SYT12: variants seen among roughly 807,000 people sequenced by gnomAD.
The protein encoded by SYT12 is synaptotagmin 12.
SYT12 carries 27 observed loss-of-function variants against 39.5 expected under a neutral mutation model. The ratio of observed to expected loss-of-function variants is 0.68; its 90% CI spans 0.50 to 0.94. The LOEUF is 0.94. Ranked by LOEUF, SYT12 falls within the 40% of genes least tolerant of loss-of-function variation. SYT12 has a pLI of 0.00. For synonymous variants in SYT12, 233 were observed against 239.7 expected (o/e 0.97, Z 0.26); for missense variants, 536 against 572.6 (o/e 0.94, Z 0.65).
At chr11:67,039,610 A>G (rs979715683) in intron 3 of SYT12, among the ~76,000 whole-genome samples, 2 of 152,190 alleles carry the variant, frequency 1.3e-5, no homozygotes, top group African/African-American at 4.8e-5. Context: ...GCAAAACTCC[A>G]TCTCAAAAAA....
intron 3 of SYT12, among the ~76,000 whole-genome samples, chr11:67,035,879 T>TTTCTTTCTTTCC (rs1565337540): frequency 8.6e-6 from 1 of 115,760 alleles, no homozygotes; most frequent in African/African-American, 3.6e-5. Context: ...TCTTTCTTTC[T>TTTCTTTCTTTCC]TTCCCTCCCT....
Position 67,050,029 on chromosome 11 carries a change from A to C in SYT12, c.*1272A>C, listed in dbSNP as rs953785997. On this transcript the variant is annotated 3_prime_UTR_variant, in exon 8 of 8. Coordinates refer to ENST00000527043, the MANE Select transcript of SYT12 (RefSeq NM_177963.4). ...GATCAAGAAAGGGAGCTCAGGCTGG[A>C]TGGAGGAAGCCACGCAAGTGTGGCT... 2.0e-5 allele frequency: 3 copies of C among 151,952 alleles called. No homozygotes were observed. Among genetic ancestry groups the C allele is most frequent in the African/African-American group, 7.3e-5 (3 of 41,312 alleles). 9.4% of individuals were successfully genotyped at this position (151,952 alleles called of 1,614,324 possible).
At chr11:67,007,075 A>ATGGTGAGGGAGTGGACTTCC (rs1475801288) in exon 1 of SYT12, 1 of 152,290 alleles carries the variant, frequency 6.6e-6, no homozygotes, top group Non-Finnish European at 1.5e-5. Flanking sequence ...AGTGGGCCGC[A>ATGGTGAGGGAGTGGACTTCC]TGGTGAGGGA....
intron 3 of SYT12, among the ~76,000 whole-genome samples, chr11:67,036,671 C>T: frequency 6.6e-6 from 1 of 152,158 alleles, no homozygotes; most frequent in East Asian, 1.9e-4. Context: ...TGTGGTGGCT[C>T]ACGCCCGTAA....
In SYT12 at chr11:67,034,226, T is replaced by C. The variant is rs187440616; in HGVS notation, c.35-419T>C. The stretch of plus-strand genomic sequence containing the variant: ...CAGCCCCTGACAGTCACTAATCTAC[T>C]GTATAGACTGGTGTCAATTCTGTCT... On this transcript the variant is annotated intron_variant, in intron 2 of 7. Transcript: ENST00000527043. 3.9e-4 allele frequency among the ~76,000 whole-genome samples: 59 copies of C among 152,348 alleles called. No individual in the cohort carries two copies. In the Middle Eastern group the frequency reaches 0.014, roughly 35 times the overall value.
intron 1 of SYT12, among the ~76,000 whole-genome samples, 192 bp downstream of exon 1, chr11:67,023,652 C>T (rs1950141941): frequency 6.6e-6 from 1 of 152,186 alleles, no homozygotes; most frequent in Non-Finnish European, 1.5e-5. Flanking sequence ...CTTACCCGGC[C>T]CGGCCACTCC....
chr11:67,006,825 GA>G (rs1365246914), exon 1 of SYT12: 1 of 152,336 alleles, frequency 6.6e-6, no homozygotes, highest in Non-Finnish European at 1.5e-5. Context: ...GGCAGAGAAG[GA>G]AAAAGGAAGC....
intron 5 of SYT12, among the ~76,000 whole-genome samples, chr11:67,044,195 C>T (rs1218741864): frequency 6.6e-6 from 1 of 152,218 alleles, no homozygotes; most frequent in African/African-American, 2.4e-5. Context: ...TGTAGGAATG[C>T]TCACAGAACA....
intron 3 of SYT12, among the ~76,000 whole-genome samples, chr11:67,016,804 C>G (rs1950062744): frequency 6.6e-6 from 1 of 152,124 alleles, no homozygotes; most frequent in Non-Finnish European, 1.5e-5. Flanking sequence ...GAAGCCAGCA[C>G]TGCCCCAGAG....
chr11:67,048,665 T>C lies in SYT12; in HGVS notation c.1174T>C (p.Ser392Pro), dbSNP rs1176639019. ...CGTGGGCCATGTCATCATTGGGCCG[T>C]CAGCCAGTGGCATGGGAACCACACA... Reference protein sequence around the residue: ...DNVGHVIIGPSASGMGTTHWN... With the variant: ...DNVGHVIIGPPASGMGTTHWN... Residue 392 changes from serine to proline, a missense_variant, in exon 8 of 8, where the codon TCA becomes CCA. Transcript: ENST00000527043. 6.2e-7 allele frequency: 1 copy of C among 1,612,912 alleles called. No individual in the cohort carries two copies. The highest frequency in any genetic ancestry group is 1.7e-4 in the Middle Eastern group (1 of 6,058).
upstream of SYT12, among the ~76,000 whole-genome samples, chr11:67,020,411 G>A (rs1312428069): frequency 6.6e-6 from 1 of 152,224 alleles, no homozygotes; most frequent in African/African-American, 2.4e-5. Flanking sequence ...TTCCAGTGCA[G>A]CATGCAGCCA....
intron 3 of SYT12, among the ~76,000 whole-genome samples, chr11:67,039,338 C>T (rs780319291): frequency 4.3e-5 from 6 of 139,356 alleles, no homozygotes; most frequent in Admixed American, 7.2e-5. Context: ...AGGCTGGGCA[C>T]GGTGGCTCAC....
chr11:67,019,058 A>G (rs1404783062), upstream of SYT12, among the ~76,000 whole-genome samples: 1 of 152,240 alleles, frequency 6.6e-6, no homozygotes, highest in East Asian at 1.9e-4. Context: ...AGAGGTTTAA[A>G]GGACTCACAG....
chr11:67,034,582 C>G, intron 2 of SYT12, 63 bp from the exon 3 acceptor site: 1 of 1,475,606 alleles, frequency 6.8e-7, no homozygotes, highest in Non-Finnish European at 9.1e-7. Context: ...GTCGGTGCTG[C>G]TCCCCGGGTG....
rs1950575031 is a variant in SYT12 at position 67,044,586 on chromosome 11, C to A, written c.838-7C>A. On this transcript the variant is annotated splice_region_variant and splice_polypyrimidine_tract_variant and intron_variant, in intron 5 of 7. Transcript: ENST00000527043. The stretch of plus-strand genomic sequence containing the variant: ...GAAGCCCTCTGAGCCACCTGTCTGT[C>A]CCCCAGGCCGCCGATGCTGTGGGGG... 1.9e-6 allele frequency: 3 copies of A among 1,611,720 alleles called. No homozygotes were observed. Among genetic ancestry groups the A allele is most frequent in the Non-Finnish European group, 2.5e-6 (3 of 1,179,150 alleles).
rs1950327881 is a variant in SYT12, at chr11:67,034,773, C to G, written c.163C>G (p.Pro55Ala). 6.2e-7 allele frequency: 1 copy of G among 1,602,366 alleles called. No homozygotes were observed. Among genetic ancestry groups the G allele is most frequent in the South Asian group, 1.1e-5 (1 of 89,240 alleles). ...SGSFPSPSPFPNYDYRYLQQK... is the reference protein window; with the variant it reads ...SGSFPSPSPFANYDYRYLQQK... ...GAGCTTCCCCAGCCCCTCTCCGTTC[C>G]CCAATTACGACTACAGGTACCTTCA... is the stretch of plus-strand genomic sequence containing the variant. Residue 55 changes from proline to alanine, a missense_variant, in exon 3 of 8, where the codon CCC (proline) becomes GCC (alanine). Physicochemically the swap from Pro to Ala is conservative, Grantham distance 27. Transcript: ENST00000527043.
intron 4 of SYT12, among the ~76,000 whole-genome samples, chr11:67,043,326 A>G (rs745695013): frequency 1.3e-5 from 2 of 152,262 alleles, no homozygotes; most frequent in Non-Finnish European, 2.9e-5. Context: ...AACAGATGCA[A>G]GAAAGATGGA....
rs1854696770 is a variant in SYT12 at position 67,049,859 on chromosome 11, G to C, written c.*1102G>C. On this transcript the variant is annotated 3_prime_UTR_variant, in exon 8 of 8. Coordinates refer to ENST00000527043, the MANE Select transcript of SYT12 (RefSeq NM_177963.4). ...ACGCCAGGAGAAGACTGAATGCCAG[G>C]CTAGGAAGGAGGCGGCTCTCGATCA... 1 of 152,304 alleles carries C rather than the reference G, an allele frequency of 6.6e-6. No individual in the cohort carries two copies. The highest frequency in any genetic ancestry group is 2.4e-5 in the African/African-American group (1 of 41,444). 9.4% of individuals were successfully genotyped at this position (152,304 alleles called of 1,614,324 possible).
chr11:67,019,896 CAAA>C (rs71461631), upstream of SYT12, among the ~76,000 whole-genome samples: 5 of 116,634 alleles, frequency 4.3e-5, no homozygotes, highest in Non-Finnish European at 3.6e-5. Context: ...GACCCTGTCT[CAAA>C]AAAAAAAAAA....
Sources: allele counts gnomAD v4.1 joint callset (sites outside exome capture counted in the v4.1 genomes callset), GRCh38; gene constraint gnomAD v4.1.1; transcripts MANE v1.5; gene names NCBI Gene and HGNC (gene_info 2026-07-23, HGNC 2026-07-21).